NTRK3: variants seen among roughly 807,000 people sequenced by gnomAD.
NTRK3 encodes the protein NT-3 growth factor receptor.
Under a neutral mutation model 91.7 loss-of-function variants are expected in NTRK3, and 24 were observed. The ratio of observed to expected loss-of-function variants is 0.26; its 90% CI spans 0.19 to 0.37. The LOEUF is 0.37. NTRK3 is among the 10% of genes least tolerant of loss of function. The pLI, the probability that NTRK3 is intolerant of heterozygous loss-of-function variation, is 1.00. For missense variants in NTRK3, 880 were observed against 1,068.9 expected (o/e 0.82, Z 2.46); for synonymous variants, 483 against 404.0 (o/e 1.20, Z -2.34).
At chr15:88,050,468 T>C (rs1197131683) in intron 13 of NTRK3, among the ~76,000 whole-genome samples, 1 of 151,934 alleles carries the variant, frequency 6.6e-6, no homozygotes, top group Non-Finnish European at 1.5e-5. Flanking sequence ...CTAGGTAGAT[T>C]GAGTAATCAA....
At position 88,203,216 on chromosome 15, in the gene NTRK3, C is replaced by CTGAGA. The variant is rs556958014; in HGVS notation, c.249-18922_249-18918dup. Among the ~76,000 whole-genome samples, 157 of 152,290 alleles carry CTGAGA rather than the reference C, an allele frequency of 1.0e-3. 1 individual carries two copies. The highest frequency in any genetic ancestry group is 3.7e-3 in the African/African-American group (152 of 41,554). On this transcript the variant is annotated intron_variant, in intron 3 of 18. Coordinates refer to ENST00000394480, the Ensembl canonical transcript of NTRK3. ...TTCCCCATTCCCCTACCTAGAAGTCCTGAGATTACTTCCCACATAAATCAC... is the reference window on the plus strand; with the variant it reads ...TTCCCCATTCCCCTACCTAGAAGTCCTGAGATGAGATTACTTCCCACATAAATCAC...
chr15:88,000,131 G>C (rs1469979320), intron 14 of NTRK3, among the ~76,000 whole-genome samples: 1 of 152,212 alleles, frequency 6.6e-6, no homozygotes, highest in Non-Finnish European at 1.5e-5. Context: ...TAATCCAGGA[G>C]TGGAAGTCTG....
intron 6 of NTRK3, among the ~76,000 whole-genome samples, chr15:88,146,655 TA>T (rs1298508443): frequency 6.6e-6 from 1 of 152,240 alleles, no homozygotes; most frequent in Non-Finnish European, 1.5e-5. Context: ...CTGGCTGGGA[TA>T]GGGGTGCCCT....
chr15:88,067,807 C>T (rs1027465949), intron 13 of NTRK3, among the ~76,000 whole-genome samples: 1 of 152,162 alleles, frequency 6.6e-6, no homozygotes, highest in Non-Finnish European at 1.5e-5. Flanking sequence ...CTGTAAGTCC[C>T]TAAGTCACAA....
At chr15:88,247,917 G>A (rs1481327976) in intron 3 of NTRK3, among the ~76,000 whole-genome samples, 2 of 152,154 alleles carry the variant, frequency 1.3e-5, no homozygotes, top group Non-Finnish European at 2.9e-5. Context: ...GCAGAAAGAA[G>A]CTCTAAACAT....
chr15:87,870,084 C>T (rs2064784892), exon 19 of NTRK3: 1 of 186,920 alleles, frequency 5.3e-6, no homozygotes, highest in Non-Finnish European at 1.1e-5. Context: ...GATAGAGATA[C>T]TTGCACACAT....
At chr15:88,140,067 C>T (rs995726091) in intron 6 of NTRK3, among the ~76,000 whole-genome samples, 6 of 151,982 alleles carry the variant, frequency 3.9e-5, no homozygotes, top group East Asian at 1.9e-4. Context: ...GCTGGAAGGG[C>T]GAGTGGAAGC....
chr15:88,138,032 A>G (rs1168948533), intron 6 of NTRK3, among the ~76,000 whole-genome samples: 1 of 150,730 alleles, frequency 6.6e-6, no homozygotes. Context: ...GCCTGGCAAC[A>G]GAGCGAGATT....
intron 13 of NTRK3, among the ~76,000 whole-genome samples, chr15:88,073,777 ACCCCCCCGCC>A (rs778700118): frequency 6.7e-6 from 1 of 149,476 alleles, no homozygotes; most frequent in Non-Finnish European, 1.5e-5. Flanking sequence ...GTGCTGCAAC[ACCCCCCCGCC>A]CCACCCCGCA....
At position 88,243,815 on chromosome 15, in the gene NTRK3, A is replaced by G. The variant is rs1002580043; in HGVS notation, c.248+12091T>C. 8.5e-5 allele frequency among the ~76,000 whole-genome samples: 13 copies of G among 152,218 alleles called. No individual in the cohort carries two copies. The highest frequency in any genetic ancestry group is 1.5e-5 in the Non-Finnish European group (1 of 68,038). On this transcript the variant is annotated intron_variant, in intron 3 of 18. Coordinates refer to ENST00000394480, the Ensembl canonical transcript of NTRK3. This position sits in a 1 kb window ranked among gnomAD's most constrained non-coding sequence, Gnocchi z 4.8. ...TGCCAGGATTGTTTCATCACAATCA[A>G]CTTAGTCAGTTGCCCATGTGGTTTC...
At chr15:88,035,019 T>C (rs368061044) in intron 13 of NTRK3, among the ~76,000 whole-genome samples, 69 of 152,050 alleles carry the variant, frequency 4.5e-4, no homozygotes, top group African/African-American at 1.7e-3. Context: ...AAAAAGGAAA[T>C]TCAAAAAATA....
intron 3 of NTRK3, among the ~76,000 whole-genome samples, chr15:88,242,753 C>A (rs1232911442): frequency 6.6e-6 from 1 of 152,166 alleles, no homozygotes; most frequent in Non-Finnish European, 1.5e-5. Context: ...CTCATTCTTC[C>A]CCAACAGTCC....
chr15:88,002,251 A>G (rs2076163131), intron 14 of NTRK3, among the ~76,000 whole-genome samples: 1 of 144,964 alleles, frequency 6.9e-6, no homozygotes, highest in Admixed American at 7.1e-5. Flanking sequence ...TCCTCAAGCT[A>G]TAAAGCATTC....
chr15:88,141,434 T>C (rs2042378875), intron 6 of NTRK3, among the ~76,000 whole-genome samples: 1 of 152,156 alleles, frequency 6.6e-6, no homozygotes, highest in Non-Finnish European at 1.5e-5. Flanking sequence ...GGTGGAGCAG[T>C]GTGGGCTCAC....
intron 3 of NTRK3, among the ~76,000 whole-genome samples, chr15:88,247,401 T>C (rs2052945177): frequency 6.6e-6 from 1 of 152,228 alleles, no homozygotes; most frequent in Non-Finnish European, 1.5e-5. Context: ...TCTTGATTCC[T>C]AAGTTCTTTC....
At chr15:88,178,184 A>G (rs1264369707) in intron 5 of NTRK3, among the ~76,000 whole-genome samples, 2 of 152,170 alleles carry the variant, frequency 1.3e-5, no homozygotes, top group African/African-American at 4.8e-5. Context: ...GTGCAGAGGT[A>G]AGGGGGAAGG....
chr15:88,082,298 G>A (rs925731703), intron 13 of NTRK3, among the ~76,000 whole-genome samples: 1 of 150,704 alleles, frequency 6.6e-6, no homozygotes, highest in African/African-American at 2.4e-5. Context: ...AAAAAAAAGA[G>A]GTTCACCTGA....
At chr15:88,147,792 C>G (rs74027771) in intron 5 of NTRK3, among the ~76,000 whole-genome samples, 338 of 152,262 alleles carry the variant, frequency 2.2e-3, no homozygotes, top group African/African-American at 7.8e-3. Flanking sequence ...ATTCTTAACA[C>G]GCACACAGGT....
chr15:88,031,866 G>A (rs977078269), intron 14 of NTRK3, among the ~76,000 whole-genome samples: 10 of 152,064 alleles, frequency 6.6e-5, no homozygotes, highest in African/African-American at 1.2e-4. Flanking sequence ...ACCAAAAAGC[G>A]CCTCTTCCTA....
Sources: gnomAD v4.1 joint callset for allele counts (sites outside exome capture counted in the v4.1 genomes callset) on GRCh38, gnomAD v4.1.1 for gene constraint, Gnocchi (gnomAD v3.1) non-coding constraint, MANE v1.5 for transcripts, NCBI Gene and HGNC (gene_info 2026-07-23, HGNC 2026-07-21) for gene names.